The following NBAS variants were observed in gnomAD, a reference collection of about 807,000 sequenced individuals.
The protein encoded by NBAS is NBAS subunit of NRZ tethering complex.
In NBAS, 219 loss-of-function variants were observed where a neutral mutation model predicts 302.5. The observed-to-expected ratio is 0.72, with a 90% CI of 0.65 to 0.81. The LOEUF (loss-of-function observed/expected upper bound fraction) is 0.81, where lower values mean the gene tolerates loss of function less well. Ranked by LOEUF, NBAS falls within the 30% of genes least tolerant of loss-of-function variation. The probability of loss-of-function intolerance (pLI) is 0.00; values close to 1 mark genes in which losing one functional copy is unlikely to be tolerated. For synonymous variants in NBAS, 1,118 were observed against 1,021.6 expected (o/e 1.09, Z -1.80); for missense variants, 2,932 against 2,841.6 (o/e 1.03, Z -0.72).
chr2:15,210,147 T>A (rs1666339938), intron 48 of NBAS, among the ~76,000 whole-genome samples: 1 of 151,998 alleles, frequency 6.6e-6, no homozygotes, highest in South Asian at 2.1e-4. Flanking sequence ...AGTTAAAAAC[T>A]TCTGCACAAC....
At chr2:15,264,616 T>C (rs990796606) in intron 44 of NBAS, among the ~76,000 whole-genome samples, 10 of 152,172 alleles carry the variant, frequency 6.6e-5, no homozygotes, top group African/African-American at 2.4e-4. Flanking sequence ...AGGGAGGTAG[T>C]GGAAAGCAAG....
chr2:14,883,709 A>G, the NBAS span, among the ~76,000 whole-genome samples: 1 of 152,078 alleles, frequency 6.6e-6, no homozygotes, highest in Non-Finnish European at 1.5e-5. Flanking sequence ...TAATGAATAC[A>G]CCTGTAATCC....
intron 48 of NBAS, among the ~76,000 whole-genome samples, chr2:15,201,580 T>C (rs1017924092): frequency 1.3e-5 from 2 of 152,232 alleles, no homozygotes; most frequent in Non-Finnish European, 2.9e-5. Context: ...GACTGTTATT[T>C]TTATTAATTA....
At chr2:15,464,872 C>T (rs1369202858) in intron 19 of NBAS, among the ~76,000 whole-genome samples, 1 of 152,236 alleles carries the variant, frequency 6.6e-6, no homozygotes, top group East Asian at 1.9e-4. Context: ...GACTAGCTTA[C>T]TTACTCAACA....
At position 15,539,513 on chromosome 2, in the gene NBAS, C is replaced by T. The variant is rs73915367; in HGVS notation, c.380-157G>A. On this transcript the variant is annotated intron_variant, in intron 6 of 51. Transcript: ENST00000281513. ...TTCCCTCAATAAAAAAGAGCAGTTTCCAGAAACACACTTCAAGTAAGAGTG... is the reference window on the plus strand; with the variant it reads ...TTCCCTCAATAAAAAAGAGCAGTTTTCAGAAACACACTTCAAGTAAGAGTG... Among the ~76,000 whole-genome samples the T allele has an allele frequency of 6.0e-3, 920 of 152,266 alleles. 9 individuals are homozygous for T. The highest frequency in any genetic ancestry group is 0.02 in the African/African-American group (836 of 41,554).
At chr2:15,275,345 C>A in intron 44 of NBAS, 139 bp downstream of exon 44, 2 of 1,013,148 alleles carry the variant, frequency 2.0e-6, no homozygotes, top group South Asian at 1.7e-5. Flanking sequence ...TCATTCACAG[C>A]AAATGAACAA....
chr2:15,513,468 A>G (rs936953061), intron 9 of NBAS, among the ~76,000 whole-genome samples: 2 of 152,228 alleles, frequency 1.3e-5, no homozygotes, highest in Non-Finnish European at 2.9e-5. Flanking sequence ...TAGTGCAGAT[A>G]AAATCATATT....
chr2:15,273,530 T>C (rs1669426737), intron 44 of NBAS, among the ~76,000 whole-genome samples: 1 of 152,162 alleles, frequency 6.6e-6, no homozygotes, highest in African/African-American at 2.4e-5. Flanking sequence ...TCTCCATGAG[T>C]TCAAATTGAG....
the NBAS span, among the ~76,000 whole-genome samples, chr2:14,786,190 T>C: frequency 2.0e-5 from 3 of 152,084 alleles, no homozygotes; most frequent in African/African-American, 4.8e-5. Flanking sequence ...TTTTTTATTG[T>C]GTCTGTTTGA....
chr2:15,463,788 CAA>C lies in NBAS; in HGVS notation c.2098-1999_2098-1998del, dbSNP rs55808465. Among the ~76,000 whole-genome samples, 20 of 91,608 alleles carry C rather than the reference CAA, an allele frequency of 2.2e-4. 1 individual carries two copies. The highest frequency in any genetic ancestry group is 1.8e-3 in the South Asian group (4 of 2,260). 60.1% of individuals were successfully genotyped at this position (91,608 alleles called of 152,430 possible). On this transcript the variant is annotated intron_variant, in intron 19 of 51. Transcript: ENST00000281513. ...AATCCTCATTCAAATGAACCAAATG[CAA>C]AAAAAAAAAAAAAAAGCACCAGGAA...
Position 15,167,204 on chromosome 2 carries a change from G to A in NBAS, c.6960C>T (p.Leu2320=). ...CCTCTGCATCCCAGCGCCCTTGCTG[G>A]AGGCTAGCCAAGAGGTGGTCAACAA... The part of the protein sequence containing the change: ...PRIVDHLLAS[L]QQGRWDAEEL... The change falls in exon 52 of 52, where the codon CTC becomes CTT. Residue 2320 remains leucine (L), a synonymous_variant. Transcript: ENST00000281513. 6.2e-7 allele frequency: 1 copy of A among 1,614,262 alleles called. No homozygotes were observed. Among genetic ancestry groups the A allele is most frequent in the South Asian group, 1.1e-5 (1 of 91,092 alleles).
At chr2:14,861,288 G>T in the NBAS span, among the ~76,000 whole-genome samples, 4 of 152,226 alleles carry the variant, frequency 2.6e-5, no homozygotes, top group Non-Finnish European at 5.9e-5. Flanking sequence ...CAAAATACGT[G>T]TTTTGTTTTA....
At position 15,353,588 on chromosome 2, in the gene NBAS, G is replaced by C. The variant is rs770463491; in HGVS notation, c.4054C>G (p.Leu1352Val). The change falls in exon 34 of 52, where the codon CTT becomes GTT. Residue 1352 changes from leucine to valine, a missense_variant. Leu to Val is a conservative substitution (Grantham distance 32, BLOSUM62 1). Transcript: ENST00000281513. ...LTHCPPSSIE[L>V]LLAASSSLQT... ...AGAGAGCTGCTAGCTGCCAAAAGAA[G>C]TTCAATGCTGCTAGGAGGGCAATGT... is the stretch of plus-strand genomic sequence containing the variant. 8 of 1,614,040 alleles carry C rather than the reference G, an allele frequency of 5.0e-6. No homozygotes were observed. The highest frequency in any genetic ancestry group is 6.8e-6 in the Non-Finnish European group (8 of 1,179,946).
At chr2:14,921,743 T>C in the NBAS span, among the ~76,000 whole-genome samples, 41,046 of 152,028 alleles carry the variant, frequency 0.27, 5,610 homozygotes, top group African/African-American at 0.33. Flanking sequence ...GTGATTCGTG[T>C]ATAAGCTACA....
intron 26 of NBAS, among the ~76,000 whole-genome samples, chr2:15,400,368 T>C (rs1289044835): frequency 1.3e-5 from 2 of 150,098 alleles, no homozygotes; most frequent in East Asian, 2.0e-4. Flanking sequence ...AAACAGAGAG[T>C]TGTATTAAAA....
In NBAS at chr2:15,327,850, G is replaced by C; in HGVS notation, c.4482C>G (p.Thr1494=). 1.9e-6 allele frequency: 3 copies of C among 1,613,450 alleles called. No individual in the cohort carries two copies. Among genetic ancestry groups the C allele is most frequent in the Non-Finnish European group, 1.7e-6 (2 of 1,179,732 alleles). ...FVAESEGTYD[T]YQHVPVESFA... is the part of the protein sequence containing the mutation. ...AGCTTTCCACTGGAACATGCTGATA[G>C]GTGTCATAGGTCCCTTCAGACTACA... Residue 1494 remains threonine, a synonymous_variant, in exon 38 of 52, where the codon ACC becomes ACG. Coordinates refer to ENST00000281513, the MANE Select transcript of NBAS (RefSeq NM_015909.4).
At chr2:15,253,813 C>A (rs1408847921) in intron 44 of NBAS, among the ~76,000 whole-genome samples, 1 of 152,134 alleles carries the variant, frequency 6.6e-6, no homozygotes, top group East Asian at 1.9e-4. Flanking sequence ...CCAATGGAGA[C>A]CACCTTTGCA....
chr2:15,104,156 T>A, the NBAS span, among the ~76,000 whole-genome samples: 3 of 152,172 alleles, frequency 2.0e-5, no homozygotes, highest in Non-Finnish European at 2.9e-5. Flanking sequence ...GATGGTTTTA[T>A]AAATGGGAGT....
At chr2:14,999,205 G>A in the NBAS span, among the ~76,000 whole-genome samples, 96 of 152,092 alleles carry the variant, frequency 6.3e-4, no homozygotes, top group African/African-American at 2.1e-3. Flanking sequence ...TCCCTCTCTC[G>A]GTGGAGAAGG....
Sources: gnomAD v4.1 joint callset for allele counts (sites outside exome capture counted in the v4.1 genomes callset) on GRCh38, gnomAD v4.1.1 for gene constraint, MANE v1.5 for transcripts, NCBI Gene and HGNC (gene_info 2026-07-23, HGNC 2026-07-21) for gene names.